PAFAH1B1: variants seen among roughly 807,000 people sequenced by gnomAD.
PAFAH1B1 encodes the protein platelet activating factor acetylhydrolase 1b regulatory subunit 1.
In PAFAH1B1, 2 loss-of-function variants were observed where a neutral mutation model predicts 57.5. The observed-to-expected ratio is 0.03, with a 90% CI of 0.01 to 0.11. The LOEUF is 0.11. PAFAH1B1 is among the 10% of genes least tolerant of loss of function. The pLI is 1.00. For synonymous variants in PAFAH1B1, 152 were observed against 169.6 expected, an observed-to-expected ratio of 0.90 and a Z score of 0.81; for missense variants, 257 against 512.0, an observed-to-expected ratio of 0.50 and a Z score of 4.81.
In PAFAH1B1 at chr17:2,681,652, G is replaced by A. The variant is rs62068249; in HGVS notation, c.1160-77G>A. 167,582 of 1,106,788 alleles carry A rather than the reference G, an allele frequency of 0.15. 14,636 individuals are homozygous for A. The highest frequency in any genetic ancestry group is 0.28 in the South Asian group (21,159 of 76,360). The allele number at this position is 1,106,788 out of a possible 1,614,324, so 68.6% of individuals were successfully genotyped here. On this transcript the variant is annotated intron_variant, in intron 10 of 10. Coordinates refer to ENST00000397195, the MANE Select transcript of PAFAH1B1 (RefSeq NM_000430.4). ...AATTTTTTTTTTAATTTTGTATTTT[G>A]TAGAGAGGGGGTCTCACTATGTTTG...
intron 2 of PAFAH1B1, among the ~76,000 whole-genome samples, chr17:2,661,190 A>G (rs186058135): frequency 2.0e-5 from 3 of 152,178 alleles, no homozygotes; most frequent in African/African-American, 4.8e-5. Context: ...CCACTTGTCA[A>G]TTTTAGCTTT....
intron 10 of PAFAH1B1, 27 bp downstream of exon 10, chr17:2,680,347 A>T: frequency 1.2e-6 from 2 of 1,609,028 alleles, no homozygotes; most frequent in Non-Finnish European, 8.5e-7. Flanking sequence ...AGGTCTCTGA[A>T]CATTAGATTT....
chr17:2,672,925 G>A (rs898342335), intron 7 of PAFAH1B1, among the ~76,000 whole-genome samples, 168 bp downstream of exon 7: 9 of 152,066 alleles, frequency 5.9e-5, no homozygotes, highest in Admixed American at 2.6e-4. Flanking sequence ...AAAATTAGCC[G>A]GGTGTGGTGG....
intron 1 of PAFAH1B1, among the ~76,000 whole-genome samples, chr17:2,615,003 C>T (rs991604549): frequency 6.6e-6 from 1 of 151,882 alleles, no homozygotes; most frequent in Non-Finnish European, 1.5e-5. Flanking sequence ...GTTGGCCGTC[C>T]ATATCCATGG....
rs35904559 is a variant in PAFAH1B1, at chr17:2,671,569, AT to A, written c.569-1074del. Reference sequence around the variant, plus strand: ...CTTTAAAAAGAGTTCTTTCTAATGCATTTTTTTTTTTTACCCCCAACACCAC... The same window carrying A: ...CTTTAAAAAGAGTTCTTTCTAATGCATTTTTTTTTTTACCCCCAACACCAC... On this transcript the variant is annotated intron_variant, in intron 6 of 10. Coordinates refer to ENST00000397195, the MANE Select transcript of PAFAH1B1 (RefSeq NM_000430.4). Among the ~76,000 whole-genome samples, 208 of 135,722 alleles carry A rather than the reference AT, an allele frequency of 1.5e-3. 1 individual carries two copies. The highest frequency in any genetic ancestry group is 5.7e-3 in the African/African-American group (197 of 34,732). 89.0% of individuals were successfully genotyped at this position (135,722 alleles called of 152,430 possible). A position where few individuals can be genotyped will look rare whatever the true frequency, so the allele number is the denominator to read the frequency against.
chr17:2,623,955 G>GA (rs1204893494), intron 1 of PAFAH1B1, among the ~76,000 whole-genome samples: 2 of 152,148 alleles, frequency 1.3e-5, no homozygotes, highest in African/African-American at 4.8e-5. Context: ...GCTTCCCTTT[G>GA]AAAACGAAAT....
chr17:2,681,612 C>A, intron 10 of PAFAH1B1, 117 bp from the exon 11 acceptor site: 2 of 763,652 alleles, frequency 2.6e-6, no homozygotes, highest in Non-Finnish European at 4.5e-6. Context: ...CAGGCACACA[C>A]TACCATGCCC....
chr17:2,678,934 C>T (rs755180810), intron 9 of PAFAH1B1, among the ~76,000 whole-genome samples: 40 of 152,108 alleles, frequency 2.6e-4, no homozygotes, highest in Non-Finnish European at 4.1e-4. Context: ...CACTATCCAG[C>T]GTGGTAGCTA....
chr17:2,661,749 C>T (rs899346053), intron 2 of PAFAH1B1, among the ~76,000 whole-genome samples: 4 of 152,046 alleles, frequency 2.6e-5, no homozygotes, highest in Non-Finnish European at 5.9e-5. Flanking sequence ...AAAATGGTTA[C>T]GGAACTCTTA....
chr17:2,614,993 G>T (rs1331243725), intron 1 of PAFAH1B1, among the ~76,000 whole-genome samples: 3 of 152,150 alleles, frequency 2.0e-5, no homozygotes, highest in Non-Finnish European at 4.4e-5. Context: ...GGCATATGCA[G>T]TTGGCCGTCC....
At chr17:2,674,012 G>T in intron 7 of PAFAH1B1, 48 bp from the exon 8 acceptor site, 6 of 1,331,506 alleles carry the variant, frequency 4.5e-6, no homozygotes, top group Non-Finnish European at 6.5e-6. Flanking sequence ...TCTGGGAAGT[G>T]TCCTGATGAT....
At chr17:2,607,045 C>T (rs1052783761) in intron 1 of PAFAH1B1, among the ~76,000 whole-genome samples, 11 of 151,640 alleles carry the variant, frequency 7.3e-5, no homozygotes, top group African/African-American at 1.9e-4. Flanking sequence ...AGGATGGTCT[C>T]GATTTCCTGA....
At chr17:2,633,527 G>T (rs1279789701) in intron 1 of PAFAH1B1, among the ~76,000 whole-genome samples, 4 of 151,370 alleles carry the variant, frequency 2.6e-5, no homozygotes, top group Non-Finnish European at 4.4e-5. Flanking sequence ...CAGGATTTAA[G>T]TATCTAATTT....
intron 1 of PAFAH1B1, among the ~76,000 whole-genome samples, chr17:2,628,064 T>C (rs529896173): frequency 6.6e-6 from 1 of 152,328 alleles, no homozygotes; most frequent in South Asian, 2.1e-4. Flanking sequence ...TTGGATGCCC[T>C]TTATTTCTTT....
At chr17:2,642,314 A>G (rs1232958388) in intron 2 of PAFAH1B1, 3 of 152,258 alleles carry the variant, frequency 2.0e-5, no homozygotes, top group Non-Finnish European at 4.4e-5. Context: ...ACATGACACT[A>G]CAAGTGGACA....
At chr17:2,594,314 C>G (rs977422333) in intron 1 of PAFAH1B1, among the ~76,000 whole-genome samples, 1 of 152,262 alleles carries the variant, frequency 6.6e-6, no homozygotes, top group Non-Finnish European at 1.5e-5. Context: ...GCCCCGCGGC[C>G]CTCCCCAAGA....
intron 1 of PAFAH1B1, among the ~76,000 whole-genome samples, chr17:2,613,032 TAATA>T (rs1442326013): frequency 2.3e-5 from 3 of 128,990 alleles, no homozygotes; most frequent in South Asian, 2.3e-4. Flanking sequence ...TTTGATAAAT[TAATA>T]ATTTGTAAAA....
chr17:2,671,355 CGCG>C, intron 6 of PAFAH1B1, among the ~76,000 whole-genome samples: 1 of 151,492 alleles, frequency 6.6e-6, no homozygotes, highest in East Asian at 2.0e-4. Context: ...ATTATAGGCA[CGCG>C]CCACCACGCC....
At position 2,674,143 on chromosome 17, in the gene PAFAH1B1, G is replaced by C. The variant is rs140360173; in HGVS notation, c.755G>C (p.Cys252Ser). 28 of 1,613,980 alleles carry C rather than the reference G, an allele frequency of 1.7e-5. No homozygotes were observed. Among genetic ancestry groups the C allele is most frequent in the Non-Finnish European group, 2.4e-5 (28 of 1,179,996 alleles). Residue 252 changes from cysteine (C) to serine (S), a missense_variant, in exon 8 of 11, where the codon TGT becomes TCT. By Grantham distance (112) the Cys-to-Ser change is moderately radical. Transcript: ENST00000397195. The stretch of plus-strand genomic sequence containing the variant: ...CAAGATGGCACTCTGATAGCCAGCT[G>C]TTCCAATGACCAGACTGTGCGTGTA... ...PNQDGTLIAS[C>S]SNDQTVRVWV...
Sources: gnomAD v4.1 joint callset for allele counts (sites outside exome capture counted in the v4.1 genomes callset) on GRCh38, gnomAD v4.1.1 for gene constraint, MANE v1.5 for transcripts, NCBI Gene and HGNC (gene_info 2026-07-23, HGNC 2026-07-21) for gene names.